Variants in SH3KBP1 observed in about 807,000 individuals in gnomAD.
The protein encoded by SH3KBP1 is SH3 domain-containing kinase-binding protein 1.
SH3KBP1 carries 8 observed loss-of-function variants against 50.1 expected under a neutral mutation model. The observed-to-expected ratio is 0.16, with a 90% CI of 0.09 to 0.29. The LOEUF is 0.29. Ranked by LOEUF, SH3KBP1 falls within the 10% of genes least tolerant of loss-of-function variation. The probability of loss-of-function intolerance (pLI) is 1.00; values close to 1 mark genes in which losing one functional copy is unlikely to be tolerated. For synonymous variants in SH3KBP1, 227 were observed against 218.6 expected, an observed-to-expected ratio of 1.04 and a Z score of -0.34; for missense variants, 377 against 535.2, an observed-to-expected ratio of 0.70 and a Z score of 2.92.
intron 13 of SH3KBP1, among the ~76,000 whole-genome samples, chrX:19,556,003 G>A (rs761785350): frequency 8.9e-6 from 1 of 111,948 alleles, no homozygotes; most frequent in Non-Finnish European, 1.9e-5. Context: ...TTTTCTCTCT[G>A]TTTCCCTGGA....
chrX:19,878,505 T>TGTGTGTGTGTGTGTGTGTGTGTGAGA (rs1491094714), intron 1 of SH3KBP1, among the ~76,000 whole-genome samples: 3 of 48,251 alleles, frequency 6.2e-5, no homozygotes, highest in African/African-American at 1.8e-4. Context: ...TGTGTGTGTG[T>TGTGTGTGTGTGTGTGTGTGTGTGAGA]GAGAGAGAGA....
intron 1 of SH3KBP1, among the ~76,000 whole-genome samples, chrX:19,841,950 A>G (rs2068233332): frequency 9.2e-6 from 1 of 108,350 alleles, no homozygotes; most frequent in Non-Finnish European, 1.9e-5. Flanking sequence ...TTTCATGTAT[A>G]ACATAGTTTC....
rs1434157006 is a variant in SH3KBP1 at position 19,779,473 on chromosome X, T to A, written c.163-33032A>T. ...TTAAGTTTTAGGGTACATGTGCACA[T>A]TGTGCAGGCTAGTTACATATGTATA... On this transcript the variant is annotated intron_variant, in intron 2 of 17. Coordinates refer to ENST00000397821, the MANE Select transcript of SH3KBP1 (RefSeq NM_031892.3). Among the ~76,000 whole-genome samples the A allele has an allele frequency of 4.7e-5, 5 of 106,075 alleles. No individual in the cohort carries two copies. In the East Asian group the frequency reaches 1.5e-3, roughly 32 times the overall value. 92.1% of individuals were successfully genotyped at this position (106,075 alleles called of 115,157 possible). A position where few individuals can be genotyped will look rare whatever the true frequency, so the allele number is the denominator to read the frequency against.
In SH3KBP1 at chrX:19,874,068, A is replaced by AAATAT. The variant is rs1491537486; in HGVS notation, c.4+13238_4+13239insATATT. On this transcript the variant is annotated intron_variant, in intron 1 of 17. Transcript: ENST00000397821. ...CATCTCAAAAAAAAAAAAAAAAAAA[A>AAATAT]ATATATATATATATATATAAAACTC... Among the ~76,000 whole-genome samples, 7 of 57,033 alleles carry AAATAT rather than the reference A, an allele frequency of 1.2e-4. 1 individual carries two copies. The highest frequency in any genetic ancestry group is 9.5e-4 in the African/African-American group (6 of 6,306). The allele number at this position is 57,033 out of a possible 115,157, so 49.5% of individuals were successfully genotyped here. A position where few individuals can be genotyped will look rare whatever the true frequency, so the allele number is the denominator to read the frequency against.
At chrX:19,886,741 G>A (rs1212504336) in intron 1 of SH3KBP1, among the ~76,000 whole-genome samples, 1 of 110,677 alleles carries the variant, frequency 9.0e-6, no homozygotes. Context: ...GCAAGGAGAG[G>A]AGCGTCAGGT....
At chrX:19,647,956 G>C (rs2062025957) in intron 6 of SH3KBP1, 1 of 354,699 alleles carries the variant, frequency 2.8e-6, no homozygotes, top group Admixed American at 2.7e-5. Flanking sequence ...ATGTGGGAGG[G>C]AGTCCATTAG....
intron 2 of SH3KBP1, among the ~76,000 whole-genome samples, chrX:19,797,890 A>AACAC (rs60418789): frequency 0.023 from 2,200 of 97,381 alleles, 58 homozygotes; most frequent in African/African-American, 0.069. Flanking sequence ...AAGTGCCCTA[A>AACAC]ACACACACAC....
chrX:19,569,232 G>A (rs746288801), intron 12 of SH3KBP1, 44 bp from the exon 13 acceptor site: 24 of 1,072,952 alleles, frequency 2.2e-5, no homozygotes, highest in Non-Finnish European at 3.0e-5. Flanking sequence ...ATTGGTGTGT[G>A]TCCTTGTCAT....
intron 1 of SH3KBP1, among the ~76,000 whole-genome samples, chrX:19,881,027 G>A (rs2069417406): frequency 8.9e-6 from 1 of 111,924 alleles, no homozygotes; most frequent in Admixed American, 9.5e-5. Context: ...ACACATTTGT[G>A]CTGTTTCAAG....
chrX:19,621,073 C>A, intron 8 of SH3KBP1, among the ~76,000 whole-genome samples: 1 of 32,667 alleles, frequency 3.1e-5, no homozygotes, highest in Admixed American at 3.7e-4. Flanking sequence ...TCTTTTCTTT[C>A]TTTTTTTTTT....
intron 7 of SH3KBP1, among the ~76,000 whole-genome samples, chrX:19,641,671 C>G (rs1169218030): frequency 9.0e-6 from 1 of 111,643 alleles, no homozygotes; most frequent in Non-Finnish European, 1.9e-5. Flanking sequence ...TGCTGTTTTC[C>G]TACAGTGAAT....
chrX:19,740,651 GAAAC>G (rs1280659331), intron 3 of SH3KBP1: 3 of 148,977 alleles, frequency 2.0e-5, no homozygotes, highest in Non-Finnish European at 4.5e-5. Flanking sequence ...AAATTTGAAA[GAAAC>G]AAAGTCTCAT....
chrX:19,545,899 C>A, intron 15 of SH3KBP1, 23 bp downstream of exon 15: 1 of 1,208,609 alleles, frequency 8.3e-7, no homozygotes, highest in Non-Finnish European at 1.1e-6. Flanking sequence ...ACAGGGACAC[C>A]CTCGCCATGG....
intron 8 of SH3KBP1, among the ~76,000 whole-genome samples, chrX:19,627,698 T>C (rs1047169400): frequency 5.3e-5 from 6 of 112,153 alleles, no homozygotes; most frequent in Non-Finnish European, 9.4e-5. Context: ...ACTAAAGGTG[T>C]CTGACTCATT....
intron 2 of SH3KBP1, among the ~76,000 whole-genome samples, chrX:19,752,047 A>G (rs906088668): frequency 8.9e-6 from 1 of 112,442 alleles, no homozygotes; most frequent in Non-Finnish European, 1.9e-5. Context: ...CCTTTAAATT[A>G]ACTGGTCAGT....
intron 2 of SH3KBP1, among the ~76,000 whole-genome samples, chrX:19,821,473 A>AT (rs1273941879): frequency 9.1e-6 from 1 of 110,436 alleles, no homozygotes; most frequent in Non-Finnish European, 1.9e-5. Flanking sequence ...CCCATTTGCT[A>AT]TTTTCTCCTT....
chrX:19,585,532 A>T (rs1002121226), intron 12 of SH3KBP1, among the ~76,000 whole-genome samples: 20 of 111,550 alleles, frequency 1.8e-4, no homozygotes, highest in Non-Finnish European at 1.9e-5. Flanking sequence ...ATGAGATCTA[A>T]GGGAAGGCTT....
chrX:19,616,997 C>G (rs2067635650), intron 8 of SH3KBP1, among the ~76,000 whole-genome samples: 1 of 111,420 alleles, frequency 9.0e-6, no homozygotes, highest in African/African-American at 3.3e-5. Context: ...TCATCTAGAT[C>G]TATACATTTC....
At chrX:19,863,342 T>C (rs5955854) in intron 1 of SH3KBP1, among the ~76,000 whole-genome samples, 34,321 of 110,164 alleles carry the variant, frequency 0.31, 6,898 homozygotes, top group African/African-American at 0.74. Flanking sequence ...GGACTATAGG[T>C]ATGTGCCACC....
Sources: gnomAD v4.1 joint callset for allele counts (sites outside exome capture counted in the v4.1 genomes callset) on GRCh38, gnomAD v4.1.1 for gene constraint, MANE v1.5 for transcripts, NCBI Gene and HGNC (gene_info 2026-07-23, HGNC 2026-07-21) for gene names.